Variants in TANC1 observed in about 807,000 individuals in gnomAD.
The protein encoded by TANC1 is tetratricopeptide repeat, ankyrin repeat and coiled-coil containing 1.
Under a neutral mutation model 149.7 loss-of-function variants are expected in TANC1, and 77 were observed. The observed-to-expected ratio is 0.51, with a 90% CI of 0.43 to 0.62. The LOEUF is 0.62. TANC1 is among the 20% of genes least tolerant of loss of function. The pLI is 0.00. For missense variants in TANC1, 1,985 were observed against 2,321.8 expected (o/e 0.85, Z 2.98); for synonymous variants, 854 against 925.0 (o/e 0.92, Z 1.39).
chr2:159,136,556 T>A (rs1383871627), intron 5 of TANC1, among the ~76,000 whole-genome samples: 3 of 152,226 alleles, frequency 2.0e-5, no homozygotes, highest in Non-Finnish European at 4.4e-5. Context: ...AATTTTGACC[T>A]ACCAGGTCTT....
At chr2:159,158,275 G>A (rs1462187567) in intron 7 of TANC1, among the ~76,000 whole-genome samples, 3 of 152,108 alleles carry the variant, frequency 2.0e-5, no homozygotes, top group East Asian at 1.9e-4. Context: ...TGGAAAGATC[G>A]TTTGAGCCCG....
chr2:159,218,139 G>T (rs1226096092), intron 20 of TANC1, among the ~76,000 whole-genome samples: 1 of 152,090 alleles, frequency 6.6e-6, no homozygotes, highest in East Asian at 1.9e-4. Context: ...AAGGGAGCAG[G>T]GAATCCTTGC....
intron 22 of TANC1, among the ~76,000 whole-genome samples, chr2:159,222,916 G>GT (rs1247439335): frequency 2.0e-5 from 3 of 151,824 alleles, no homozygotes; most frequent in Non-Finnish European, 4.4e-5. Flanking sequence ...TTTTGTTTTT[G>GT]TTTTTTTGAG....
chr2:158,984,083 C>T (rs569240003), intron 1 of TANC1, among the ~76,000 whole-genome samples: 2 of 152,290 alleles, frequency 1.3e-5, no homozygotes, highest in East Asian at 3.9e-4. Context: ...CCAGATAGTG[C>T]CTGTTCTCTC....
At chr2:159,159,041 T>C (rs2053726618) in intron 7 of TANC1, among the ~76,000 whole-genome samples, 1 of 152,234 alleles carries the variant, frequency 6.6e-6, no homozygotes, top group Admixed American at 6.5e-5. Context: ...AGCTTTCTTC[T>C]TGATGTTCAT....
intron 2 of TANC1, among the ~76,000 whole-genome samples, chr2:159,042,343 TG>T (rs1320096694): frequency 6.6e-6 from 1 of 152,132 alleles, no homozygotes; most frequent in Non-Finnish European, 1.5e-5. Flanking sequence ...GGAGCCTAGT[TG>T]GTGGTGTGTT....
At chr2:159,093,117 G>A (rs146015998) in intron 3 of TANC1, among the ~76,000 whole-genome samples, 6 of 152,300 alleles carry the variant, frequency 3.9e-5, no homozygotes, top group African/African-American at 1.4e-4. Flanking sequence ...AGCTGGAGGA[G>A]GTAAATTACT....
chr2:159,046,048 T>A (rs369531082), intron 2 of TANC1, among the ~76,000 whole-genome samples: 11 of 152,302 alleles, frequency 7.2e-5, no homozygotes, highest in African/African-American at 2.2e-4. Flanking sequence ...AAATAGCAAT[T>A]TAAGTGTATT....
At chr2:159,190,312 C>A (rs1036999448) in intron 16 of TANC1, among the ~76,000 whole-genome samples, 3 of 152,164 alleles carry the variant, frequency 2.0e-5, no homozygotes, top group Non-Finnish European at 4.4e-5. Context: ...ATGTAACTGG[C>A]TGGCAAAATT....
chr2:159,024,263 C>T (rs1574185545), intron 2 of TANC1, among the ~76,000 whole-genome samples: 1 of 152,038 alleles, frequency 6.6e-6, no homozygotes, highest in East Asian at 1.9e-4. Context: ...GACATGGTAG[C>T]CATTATAATG....
intron 20 of TANC1, among the ~76,000 whole-genome samples, chr2:159,218,072 G>T (rs1395903292): frequency 2.4e-5 from 3 of 126,006 alleles, no homozygotes; most frequent in African/African-American, 9.2e-5. Flanking sequence ...GTTTGTTTTT[G>T]GTTTTTGTTT....
chr2:159,044,139 A>G (rs1473409911), intron 2 of TANC1, among the ~76,000 whole-genome samples: 2 of 152,164 alleles, frequency 1.3e-5, no homozygotes, highest in Non-Finnish European at 2.9e-5. Context: ...AAGTTATGAA[A>G]CAGAAATACC....
At chr2:159,201,211 A>T (rs904040168) in intron 19 of TANC1, among the ~76,000 whole-genome samples, 1 of 152,142 alleles carries the variant, frequency 6.6e-6, no homozygotes, top group Admixed American at 6.5e-5. Context: ...CCAGGCCTGC[A>T]TTTGTCAGAG....
Position 159,051,651 on chromosome 2 carries a change from TTGTGTGTGTGTGTG to T in TANC1, c.-15-14219_-15-14206del, listed in dbSNP as rs58015346. On this transcript the variant is annotated intron_variant, in intron 2 of 26. Coordinates refer to ENST00000263635, the MANE Select transcript of TANC1 (RefSeq NM_033394.3). Reference sequence around the variant, plus strand: ...ATTCAAAATTTAGTTGAAGTGGTGTTTGTGTGTGTGTGTGTGTGTGTGTGTGTGTGTGTGTGTGT... The same window carrying T: ...ATTCAAAATTTAGTTGAAGTGGTGTTTGTGTGTGTGTGTGTGTGTGTGTGT... 2.3e-3 allele frequency among the ~76,000 whole-genome samples: 332 copies of T among 142,968 alleles called. 2 individuals are homozygous for T. The highest frequency in any genetic ancestry group is 0.011 in the Middle Eastern group (3 of 280). 93.8% of individuals were successfully genotyped at this position (142,968 alleles called of 152,430 possible). A position where few individuals can be genotyped will look rare whatever the true frequency, so the allele number is the denominator to read the frequency against.
chr2:159,091,240 C>T (rs1352553998), intron 3 of TANC1, among the ~76,000 whole-genome samples: 1 of 152,096 alleles, frequency 6.6e-6, no homozygotes, highest in Non-Finnish European at 1.5e-5. Context: ...GCCAGAGTGG[C>T]CTTGGGCAAG....
At chr2:159,141,728 T>C (rs1328591479) in intron 5 of TANC1, among the ~76,000 whole-genome samples, 1 of 152,112 alleles carries the variant, frequency 6.6e-6, no homozygotes, top group Non-Finnish European at 1.5e-5. Flanking sequence ...CAAGTTACAG[T>C]AGGGAAACAG....
At position 159,169,267 on chromosome 2, in the gene TANC1, T is replaced by C. The variant is rs774564620; in HGVS notation, c.964T>C (p.Leu322=). The change falls in exon 9 of 27, where the codon TTG becomes CTG. Residue 322 remains leucine (L), a synonymous_variant. Transcript: ENST00000263635. ...TATTACAGCAACAAGCTCAACCAAA[T>C]TGGAAGATCTGAGTTATTTAGACGG... ...NSVAATSSTK[L]EDLSYLDGQR... 7 of 1,613,622 alleles carry C rather than the reference T, an allele frequency of 4.3e-6. No homozygotes were observed. In the East Asian group the frequency reaches 8.9e-5, roughly 21 times the overall value.
chr2:159,224,211 A>G (rs766976270), intron 22 of TANC1, 21 bp from the exon 23 acceptor site: 2 of 1,613,764 alleles, frequency 1.2e-6, no homozygotes, highest in Non-Finnish European at 1.7e-6. Context: ...GCTGCTGCTT[A>G]GGCTTCTGCT....
intron 7 of TANC1, among the ~76,000 whole-genome samples, chr2:159,159,437 C>T (rs1184618353): frequency 8.0e-6 from 1 of 125,048 alleles, no homozygotes; most frequent in Admixed American, 8.1e-5. Flanking sequence ...GAGACCCTGT[C>T]TCAAAAAAAA....
Sources: allele counts gnomAD v4.1 joint callset (sites outside exome capture counted in the v4.1 genomes callset), GRCh38; gene constraint gnomAD v4.1.1; transcripts MANE v1.5; gene names NCBI Gene and HGNC (gene_info 2026-07-23, HGNC 2026-07-21).